Variants in HERC5 observed in about 807,000 individuals in gnomAD.
HERC5 encodes HECT and RLD domain containing E3 ubiquitin protein ligase 5.
Under a neutral mutation model 119.6 loss-of-function variants are expected in HERC5, and 99 were observed. The observed-to-expected ratio is 0.83, with a 90% CI of 0.70 to 0.98. The LOEUF is 0.98. Among genes scored for constraint, HERC5 ranks in the 50% least tolerant of loss-of-function variants. The pLI, the probability that HERC5 is intolerant of heterozygous loss-of-function variation, is 0.00. For synonymous variants in HERC5, 478 were observed against 445.9 expected, an observed-to-expected ratio of 1.07 and a Z score of -0.91; for missense variants, 1,267 against 1,241.3, an observed-to-expected ratio of 1.02 and a Z score of -0.31.
At chr4:88,498,835 T>G (rs1040315643) in intron 18 of HERC5, among the ~76,000 whole-genome samples, 2 of 152,180 alleles carry the variant, frequency 1.3e-5, no homozygotes, top group Non-Finnish European at 2.9e-5. Flanking sequence ...CCTCCCAAAT[T>G]GCTGGGATTA....
rs546917240 is a variant in HERC5, at chr4:88,478,908, G to A, written c.1583-445G>A. On this transcript the variant is annotated intron_variant, in intron 12 of 22. Coordinates refer to ENST00000264350, the MANE Select transcript of HERC5 (RefSeq NM_016323.4). Reference sequence around the variant, plus strand: ...ATTGTAGGTGTGAGCCACCATGCCTGGCCTACCAAAAAAATGTTAATTTGC... The same window carrying A: ...ATTGTAGGTGTGAGCCACCATGCCTAGCCTACCAAAAAAATGTTAATTTGC... Among the ~76,000 whole-genome samples the A allele has an allele frequency of 2.0e-5, 3 of 151,938 alleles. No homozygotes were observed. In the South Asian group the frequency reaches 6.2e-4, roughly 32 times the overall value.
At chr4:88,500,843 A>G (rs573701219) in intron 19 of HERC5, 72 bp from the exon 20 acceptor site, 282 of 1,106,818 alleles carry the variant, frequency 2.5e-4, no homozygotes, top group Non-Finnish European at 3.2e-4. Flanking sequence ...GTATGCTCCA[A>G]AGTGTTTTTA....
At chr4:88,478,981 T>A (rs1054206808) in intron 12 of HERC5, among the ~76,000 whole-genome samples, 2 of 152,176 alleles carry the variant, frequency 1.3e-5, no homozygotes, top group African/African-American at 4.8e-5. Flanking sequence ...CATTACATTT[T>A]GTAGACCTCA....
intron 20 of HERC5, among the ~76,000 whole-genome samples, chr4:88,501,711 T>G (rs1008276519): frequency 2.0e-5 from 3 of 152,220 alleles, no homozygotes; most frequent in Non-Finnish European, 2.9e-5. Context: ...CAAACATGCC[T>G]ATGTAATTAC....
chr4:88,486,181 A>T lies in HERC5; in HGVS notation c.1804A>T (p.Asn602Tyr). The T allele has an allele frequency of 6.2e-7, 1 of 1,612,602 alleles. No homozygotes were observed. The highest frequency in any genetic ancestry group is 8.5e-7 in the Non-Finnish European group (1 of 1,179,028). Residue 602 changes from asparagine (N) to tyrosine (Y), a missense_variant, in exon 14 of 23, where the codon AAT becomes TAT. Physicochemically the swap from Asn to Tyr is moderately radical, Grantham distance 143 (BLOSUM62 -2). Coordinates refer to ENST00000264350, the MANE Select transcript of HERC5 (RefSeq NM_016323.4). ...FQVDELLHRL[N>Y]FFVEVCRRYL... Reference sequence around the variant, plus strand: ...AGTAGACGAACTCTTGCACCGTCTCAATTTTTTTGTAGAAGTATGCAGAAG... The same window carrying T: ...AGTAGACGAACTCTTGCACCGTCTCTATTTTTTTGTAGAAGTATGCAGAAG...
rs1010107801 is a variant in HERC5 at position 88,494,090 on chromosome 4, G to C, written c.2278-75G>C. 5.4e-5 allele frequency: 48 copies of C among 889,920 alleles called. No individual in the cohort carries two copies. In the African/African-American group the frequency reaches 7.7e-4, roughly 14 times the overall value. The allele number at this position is 889,920 out of a possible 1,614,324, so 55.1% of individuals were successfully genotyped here. On this transcript the variant is annotated intron_variant, in intron 17 of 22. Transcript: ENST00000264350. ...TTTGATTTTATGAAAGAGAAACAAA[G>C]ATTTATTTAATATAAATATTTCATT...
chr4:88,483,591 C>T (rs1362325874), intron 13 of HERC5, among the ~76,000 whole-genome samples: 1 of 147,600 alleles, frequency 6.8e-6, no homozygotes, highest in African/African-American at 2.5e-5. Flanking sequence ...TGCAGTGGCA[C>T]GATCTTGGCT....
chr4:88,459,210 T>TA, intron 1 of HERC5, 137 bp from the exon 2 acceptor site: 1 of 638,562 alleles, frequency 1.6e-6, no homozygotes, highest in Non-Finnish European at 2.4e-6. Flanking sequence ...TGAATTTTCT[T>TA]AAGAGAAGTT....
intron 20 of HERC5, among the ~76,000 whole-genome samples, chr4:88,501,427 C>T (rs955250261): frequency 6.6e-5 from 10 of 152,128 alleles, no homozygotes; most frequent in Non-Finnish European, 1.2e-4. Context: ...ACATTGCAGG[C>T]ACATAGTAAG....
chr4:88,468,095 A>G (rs1740737983), intron 7 of HERC5, among the ~76,000 whole-genome samples: 1 of 152,184 alleles, frequency 6.6e-6, no homozygotes, highest in South Asian at 2.1e-4. Context: ...CATTTTATAT[A>G]TAAATATTTG....
intron 20 of HERC5, among the ~76,000 whole-genome samples, chr4:88,501,383 T>G (rs1398869676): frequency 6.6e-6 from 1 of 152,210 alleles, no homozygotes; most frequent in Non-Finnish European, 1.5e-5. Context: ...CGCTGTATAT[T>G]CAGTACCTAG....
rs1314007568 is a variant in HERC5 at position 88,486,153 on chromosome 4, C to G, written c.1776C>G (p.Phe592Leu). The G allele has an allele frequency of 6.2e-7, 1 of 1,611,194 alleles. No homozygotes were observed. Among genetic ancestry groups the G allele is most frequent in the Admixed American group, 1.7e-5 (1 of 59,802 alleles). The change falls in exon 14 of 23, where the codon TTC (phenylalanine) becomes TTG (leucine). Residue 592 changes from phenylalanine to leucine, a missense_variant. By Grantham distance (22) the Phe-to-Leu change is conservative. Coordinates refer to ENST00000264350, the MANE Select transcript of HERC5 (RefSeq NM_016323.4). The part of the protein sequence containing the change: ...QVKCQLPESI[F>L]QVDELLHRLN... ...AATGTCAACTACCTGAAAGTATTTT[C>G]CAAGTAGACGAACTCTTGCACCGTC...
At chr4:88,460,850 C>T (rs775654623) in intron 3 of HERC5, among the ~76,000 whole-genome samples, 5 of 152,032 alleles carry the variant, frequency 3.3e-5, no homozygotes, top group Non-Finnish European at 7.4e-5. Flanking sequence ...ATTAGCTGGG[C>T]ATGGTGGCTT....
intron 11 of HERC5, among the ~76,000 whole-genome samples, chr4:88,475,324 C>CTTTTTTTTTTTTT (rs757780297): frequency 1.6e-5 from 2 of 123,486 alleles, no homozygotes; most frequent in Non-Finnish European, 3.4e-5. Context: ...TTCTTTCTTT[C>CTTTTTTTTTTTTT]TTTTTTTTTT....
intron 13 of HERC5, among the ~76,000 whole-genome samples, chr4:88,484,028 C>G (rs1048957213): frequency 6.6e-6 from 1 of 152,172 alleles, no homozygotes; most frequent in Admixed American, 6.5e-5. Context: ...TCTCTCTGTA[C>G]CCCATTCTGG....
chr4:88,477,546 TGGGGGA>T (rs1406660876), intron 12 of HERC5, among the ~76,000 whole-genome samples: 3 of 33,766 alleles, frequency 8.9e-5, no homozygotes, highest in African/African-American at 2.4e-4. Context: ...GAAGGGGAAG[TGGGGGA>T]GGGGAAGGGG....
chr4:88,506,153 C>T lies in HERC5; in HGVS notation c.*275C>T, dbSNP rs1409917725. On this transcript the variant is annotated 3_prime_UTR_variant, in exon 23 of 23. Transcript: ENST00000264350. ...AAATATTTTTCAAAAATAAAATAAC[C>T]GAAAAATTAACATAAAAGTCTTATT... The T allele has an allele frequency of 2.6e-5, 9 of 349,048 alleles. No individual in the cohort carries two copies. Among genetic ancestry groups the T allele is most frequent in the East Asian group, 5.2e-5 (1 of 19,158 alleles). The allele number at this position is 349,048 out of a possible 1,614,324, so 21.6% of individuals were successfully genotyped here. A position where few individuals can be genotyped will look rare whatever the true frequency, so the allele number is the denominator to read the frequency against.
intron 10 of HERC5, among the ~76,000 whole-genome samples, chr4:88,471,585 C>T (rs1740870799): frequency 6.6e-6 from 1 of 152,150 alleles, no homozygotes; most frequent in African/African-American, 2.4e-5. Flanking sequence ...AAGCAGTCCT[C>T]CCACCTCAGC....
chr4:88,494,616 G>A (rs1741746703), intron 18 of HERC5, among the ~76,000 whole-genome samples: 1 of 152,178 alleles, frequency 6.6e-6, no homozygotes, highest in Non-Finnish European at 1.5e-5. Flanking sequence ...TGCAAAATCT[G>A]CTAGTGATAT....
Sources: allele counts gnomAD v4.1 joint callset (sites outside exome capture counted in the v4.1 genomes callset), GRCh38; gene constraint gnomAD v4.1.1; transcripts MANE v1.5; gene names NCBI Gene and HGNC (gene_info 2026-07-23, HGNC 2026-07-21).